A2ML1: variants seen among roughly 807,000 people sequenced by gnomAD.
A2ML1 encodes alpha-2-macroglobulin-like protein 1.
In A2ML1, 161 loss-of-function variants were observed where a neutral mutation model predicts 181.9. The observed-to-expected ratio is 0.89, with a 90% CI of 0.78 to 1.01. The LOEUF is 1.01. Among genes scored for constraint, A2ML1 ranks in the 50% least tolerant of loss-of-function variants. The probability of loss-of-function intolerance (pLI) is 0.00; values close to 1 mark genes in which losing one functional copy is unlikely to be tolerated. For synonymous variants in A2ML1, 663 were observed against 666.8 expected, an observed-to-expected ratio of 0.99 and a Z score of 0.09; for missense variants, 1,670 against 1,768.1, an observed-to-expected ratio of 0.94 and a Z score of 1.00.
chr12:8,851,398 C>T (rs1943883733), intron 18 of A2ML1, among the ~76,000 whole-genome samples: 1 of 151,804 alleles, frequency 6.6e-6, no homozygotes, highest in Non-Finnish European at 1.5e-5. Context: ...TTTACTTCTG[C>T]AGATGAATTT....
In A2ML1 at chr12:8,858,053, C is replaced by T; in HGVS notation, c.3215C>T (p.Pro1072Leu). 6.2e-7 allele frequency: 1 copy of T among 1,614,160 alleles called. No individual in the cohort carries two copies. The highest frequency in any genetic ancestry group is 8.5e-7 in the Non-Finnish European group (1 of 1,180,034). Residue 1072 changes from proline (P) to leucine (L), a missense_variant, in exon 26 of 36, where the codon CCC (proline) becomes CTC (leucine). Transcript: ENST00000299698. ...AAGTGGATGGCAGGAAACCAGCTCC[C>T]CAGTGGCTGCTATGCCAACGTGGGA... Reference protein sequence around the residue: ...ALKWMAGNQLPSGCYANVGNL... With the variant: ...ALKWMAGNQLLSGCYANVGNL...
chr12:8,855,898 C>T (rs373595645), intron 23 of A2ML1, among the ~76,000 whole-genome samples: 2 of 152,030 alleles, frequency 1.3e-5, no homozygotes, highest in East Asian at 1.9e-4. Flanking sequence ...TTTGCAGCAA[C>T]CATTTTCAAA....
intron 33 of A2ML1, 21 bp downstream of exon 33, chr12:8,869,224 T>C: frequency 1.2e-6 from 2 of 1,612,648 alleles, no homozygotes; most frequent in Non-Finnish European, 1.7e-6. Context: ...AGGAACCAGA[T>C]CAAAGAGCTG....
chr12:8,850,750 A>C (rs1207767662), intron 18 of A2ML1, among the ~76,000 whole-genome samples: 2 of 151,848 alleles, frequency 1.3e-5, no homozygotes, highest in Non-Finnish European at 2.9e-5. Context: ...TTTTCTTTTT[A>C]TTTTTAAGAC....
At chr12:8,839,885 T>C (rs1943409877) in intron 10 of A2ML1, among the ~76,000 whole-genome samples, 1 of 152,018 alleles carries the variant, frequency 6.6e-6, no homozygotes, top group Non-Finnish European at 1.5e-5. Context: ...GTAGCTGGGA[T>C]TACAGACATG....
chr12:8,874,893 C>T lies in A2ML1; in HGVS notation c.4325-78C>T, dbSNP rs904246475. On this transcript the variant is annotated intron_variant, in intron 34 of 35. Coordinates refer to ENST00000299698, the MANE Select transcript of A2ML1 (RefSeq NM_144670.6). ...AGAGATTCTCTGGAAGGGGCTCAAG[C>T]AGTAGCTTTTCTGAAGCATTTTCCC... 1.5e-5 allele frequency: 21 copies of T among 1,410,004 alleles called. No homozygotes were observed. In the African/African-American group the frequency reaches 2.7e-4, roughly 18 times the overall value. 87.3% of individuals were successfully genotyped at this position (1,410,004 alleles called of 1,614,324 possible).
intron 10 of A2ML1, among the ~76,000 whole-genome samples, chr12:8,841,077 G>A (rs1251111488): frequency 6.6e-6 from 1 of 151,942 alleles, no homozygotes; most frequent in African/African-American, 2.4e-5. Flanking sequence ...ACCTTTGAAG[G>A]AGCCTGTGCA....
At chr12:8,864,081 T>C in intron 29 of A2ML1, 73 bp downstream of exon 29, 1 of 1,418,184 alleles carries the variant, frequency 7.1e-7, no homozygotes, top group South Asian at 1.2e-5. Flanking sequence ...GGAAAACATA[T>C]TGTCCTTGCC....
At chr12:8,859,957 A>C in intron 26 of A2ML1, among the ~76,000 whole-genome samples, 1 of 152,146 alleles carries the variant, frequency 6.6e-6, no homozygotes, top group East Asian at 1.9e-4. Flanking sequence ...TGAGCTCCAG[A>C]GTTAAATGTC....
At position 8,846,103 on chromosome 12, in the gene A2ML1, C is replaced by G. The variant is rs1336282626; in HGVS notation, c.1564C>G (p.Leu522Val). 6.2e-7 allele frequency: 1 copy of G among 1,614,198 alleles called. No individual in the cohort carries two copies. The highest frequency in any genetic ancestry group is 1.7e-5 in the Admixed American group (1 of 60,026). ...ACTGAAAGCCTCCTTCTCTCTCTCACTGACCTTCACTTCGAGACTGGCCCC... is the reference window on the plus strand; with the variant it reads ...ACTGAAAGCCTCCTTCTCTCTCTCAGTGACCTTCACTTCGAGACTGGCCCC... ...KGLKASFSLSLTFTSRLAPDP... is the reference protein window; with the variant it reads ...KGLKASFSLSVTFTSRLAPDP... The change falls in exon 14 of 36, where the codon CTG (leucine) becomes GTG (valine). Residue 522 changes from leucine (L) to valine (V), a missense_variant. Physicochemically the swap from Leu to Val is conservative, Grantham distance 32. Coordinates refer to ENST00000299698, the MANE Select transcript of A2ML1 (RefSeq NM_144670.6).
chr12:8,879,570 C>T (rs1045672617), downstream of A2ML1, among the ~76,000 whole-genome samples: 1 of 152,038 alleles, frequency 6.6e-6, no homozygotes, highest in East Asian at 1.9e-4. Context: ...CATTTTGGGT[C>T]TGCAGCACTT....
intron 29 of A2ML1, 141 bp from the exon 30 acceptor site, chr12:8,867,701 G>T (rs1006245701): frequency 4.4e-6 from 3 of 677,128 alleles, no homozygotes; most frequent in African/African-American, 1.8e-5. Context: ...TCCAGAGGAG[G>T]TGGGTATAGT....
chr12:8,883,898 G>A (rs1443037198), intron 7 of A2ML1, among the ~76,000 whole-genome samples: 2 of 151,952 alleles, frequency 1.3e-5, no homozygotes, highest in Non-Finnish European at 2.9e-5. Context: ...CGATTCTCCC[G>A]CCTCAGCCTC....
chr12:8,856,356 C>T (rs968140832), intron 23 of A2ML1, among the ~76,000 whole-genome samples: 3 of 152,170 alleles, frequency 2.0e-5, no homozygotes, highest in African/African-American at 7.2e-5. Flanking sequence ...GTTGGGGGCT[C>T]CTGAAGAGGA....
chr12:8,860,999 C>T (rs751880706), intron 27 of A2ML1, 44 bp downstream of exon 27: 20 of 1,609,002 alleles, frequency 1.2e-5, no homozygotes, highest in Admixed American at 1.7e-5. Context: ...CCTTCTCATG[C>T]GTATTCCTAG....
chr12:8,830,477 T>G (rs775919455), intron 4 of A2ML1, among the ~76,000 whole-genome samples: 1 of 152,156 alleles, frequency 6.6e-6, no homozygotes, highest in Non-Finnish European at 1.5e-5. Context: ...GCAAAATAAT[T>G]TACAAAGTAG....
chr12:8,872,006 C>T (rs182911893), intron 33 of A2ML1, among the ~76,000 whole-genome samples: 35 of 152,028 alleles, frequency 2.3e-4, no homozygotes, highest in African/African-American at 7.2e-4. Flanking sequence ...AGTGAAACCC[C>T]GTCTGTACTA....
At chr12:8,878,284 CAA>C (rs1361070976), downstream of A2ML1, among the ~76,000 whole-genome samples, 1 of 152,130 alleles carries the variant, frequency 6.6e-6, no homozygotes, top group Admixed American at 6.6e-5. The surrounding 1 kb of genome is among the most constrained non-coding windows in gnomAD (Gnocchi z 4.4). Context: ...GCCTGGGCGA[CAA>C]GAGCAAAACT....
chr12:8,841,118 C>A (rs536796890), intron 10 of A2ML1, among the ~76,000 whole-genome samples: 1 of 152,146 alleles, frequency 6.6e-6, no homozygotes, highest in Non-Finnish European at 1.5e-5. Context: ...CATTAGCCAC[C>A]GGGCAAATCT....
Sources: allele counts gnomAD v4.1 joint callset (sites outside exome capture counted in the v4.1 genomes callset), GRCh38; gene constraint gnomAD v4.1.1; non-coding constraint Gnocchi (gnomAD v3.1); transcripts MANE v1.5; gene names NCBI Gene and HGNC (gene_info 2026-07-23, HGNC 2026-07-21).